The following NUBPL variants were observed in gnomAD, a reference collection of about 807,000 sequenced individuals.
The protein encoded by NUBPL is NUBP iron-sulfur cluster assembly factor, mitochondrial, also known as iron-sulfur cluster transfer protein NUBPL.
Under a neutral mutation model 45.7 loss-of-function variants are expected in NUBPL, and 31 were observed. The ratio of observed to expected loss-of-function variants is 0.68; its 90% CI spans 0.51 to 0.92. The LOEUF (loss-of-function observed/expected upper bound fraction) is 0.92. Among genes scored for constraint, NUBPL ranks in the 40% least tolerant of loss-of-function variants. NUBPL has a pLI of 0.00. For missense variants in NUBPL, 401 were observed against 398.7 expected (o/e 1.01, Z -0.05); for synonymous variants, 144 against 140.9 (o/e 1.02, Z -0.15).
chr14:31,671,328 C>A (rs1475172943), intron 4 of NUBPL, among the ~76,000 whole-genome samples: 1 of 152,168 alleles, frequency 6.6e-6, no homozygotes, highest in Non-Finnish European at 1.5e-5. Flanking sequence ...AATAGTGCTG[C>A]AGTAAACATA....
At chr14:31,641,015 G>A (rs1222924122) in intron 4 of NUBPL, among the ~76,000 whole-genome samples, 1 of 151,890 alleles carries the variant, frequency 6.6e-6, no homozygotes, top group African/African-American at 2.4e-5. Context: ...GCAGTGACAC[G>A]ATCTCAGCTC....
intron 6 of NUBPL, among the ~76,000 whole-genome samples, chr14:31,705,018 G>A (rs1358874099): frequency 6.6e-6 from 1 of 152,232 alleles, no homozygotes; most frequent in Non-Finnish European, 1.5e-5. Context: ...CCTTCGCGGT[G>A]AGTGTTACAG....
chr14:31,621,697 T>C (rs2035067871), intron 4 of NUBPL, among the ~76,000 whole-genome samples: 1 of 152,222 alleles, frequency 6.6e-6, no homozygotes, highest in South Asian at 2.1e-4. Flanking sequence ...TCTGCGTCGA[T>C]CTCGCTGGGA....
Position 31,826,674 on chromosome 14 carries a change from C to T in NUBPL, c.653C>T (p.Ala218Val), listed in dbSNP as rs1353625611. The change falls in exon 8 of 11, where the codon GCA (alanine) becomes GTA (valine). Residue 218 changes from alanine (A) to valine (V), a missense_variant. Transcript: ENST00000281081. ...STPQDIALMD[A>V]HKGAEMFRRV... is the part of the protein sequence containing the mutation. ...CCCCAGGACATCGCATTGATGGATG[C>T]ACACAAGGGTGCTGAGATGTTTCGC... 1.9e-6 allele frequency: 3 copies of T among 1,614,000 alleles called. No homozygotes were observed. The African/African-American group carries it at 4.0e-5, about 22-fold the overall frequency.
chr14:31,638,694 G>A (rs1359929562), intron 4 of NUBPL, among the ~76,000 whole-genome samples: 1 of 152,106 alleles, frequency 6.6e-6, no homozygotes, highest in African/African-American at 2.4e-5. Context: ...TTTCCAACTT[G>A]GTTCCATTCT....
chr14:31,739,099 C>T (rs775168456), intron 6 of NUBPL, among the ~76,000 whole-genome samples: 3 of 149,470 alleles, frequency 2.0e-5, no homozygotes, highest in East Asian at 1.9e-4. Context: ...CTGCAACCTC[C>T]GCCTCCTGGG....
chr14:31,834,415 A>G lies in NUBPL; in HGVS notation c.693+7701A>G, dbSNP rs182955083. Among the ~76,000 whole-genome samples, 848 of 152,128 alleles carry G rather than the reference A, an allele frequency of 5.6e-3. 6 individuals are homozygous for G. The highest frequency in any genetic ancestry group is 0.017 in the African/African-American group (714 of 41,516). On this transcript the variant is annotated intron_variant, in intron 8 of 10. Transcript: ENST00000281081. ...AGGATGGTCTCGATCTCCTGACTTC[A>G]TGATCTGCCCACCTTGGCCTCCCAA...
chr14:31,805,576 T>C (rs994579856), intron 7 of NUBPL, among the ~76,000 whole-genome samples: 1 of 152,190 alleles, frequency 6.6e-6, no homozygotes, highest in Non-Finnish European at 1.5e-5. Context: ...CATGGAATAC[T>C]GTGCATCCAT....
chr14:31,853,171 C>T (rs762000558), intron 10 of NUBPL, among the ~76,000 whole-genome samples: 4 of 152,156 alleles, frequency 2.6e-5, no homozygotes, highest in Admixed American at 6.5e-5. Flanking sequence ...GGCACGATCT[C>T]ATCCTCCCAA....
chr14:31,858,719 G>T (rs1291505039), intron 10 of NUBPL, among the ~76,000 whole-genome samples: 2 of 152,112 alleles, frequency 1.3e-5, no homozygotes, highest in African/African-American at 4.8e-5. Flanking sequence ...GTAATAAATA[G>T]TCCTCCTTAA....
rs1555329376 is a variant in NUBPL at position 31,698,388 on chromosome 14, T to TTTTAAGTTTAAAA, written c.513+24815_513+24816insTTAAGTTTAAAAT. 5.1e-4 allele frequency among the ~76,000 whole-genome samples: 77 copies of TTTTAAGTTTAAAA among 152,242 alleles called. 2 individuals carry two copies. In the South Asian group the frequency reaches 0.015, roughly 30 times the overall value. On this transcript the variant is annotated intron_variant, in intron 6 of 10. Transcript: ENST00000281081. ...TTTTTTTAAGTGTTGAAAGACTATT[T>TTTTAAGTTTAAAA]TAAACTGATGGCGGCAGTTTTGGTA...
chr14:31,638,818 G>C (rs575277586), intron 4 of NUBPL, among the ~76,000 whole-genome samples: 5 of 151,888 alleles, frequency 3.3e-5, no homozygotes, highest in South Asian at 4.2e-4. Flanking sequence ...TTCCCTTCTC[G>C]CTTCATTTCA....
At chr14:31,638,564 G>T (rs2035579376) in intron 4 of NUBPL, among the ~76,000 whole-genome samples, 1 of 151,820 alleles carries the variant, frequency 6.6e-6, no homozygotes, top group African/African-American at 2.4e-5. Flanking sequence ...ACAGTTTTGT[G>T]TCTTGGAGTT....
chr14:31,767,012 C>T (rs1368385817), intron 6 of NUBPL, among the ~76,000 whole-genome samples: 1 of 151,982 alleles, frequency 6.6e-6, no homozygotes, highest in South Asian at 2.1e-4. Flanking sequence ...AGATTTTAAT[C>T]TACTGAAAAA....
intron 6 of NUBPL, 32 bp downstream of exon 6, chr14:31,673,606 AT>A: frequency 6.4e-7 from 1 of 1,562,498 alleles, no homozygotes; most frequent in Middle Eastern, 1.7e-4. Context: ...TCATTTTATC[AT>A]TGGCAAAGCT....
chr14:31,787,126 G>T (rs1440700209), intron 6 of NUBPL, among the ~76,000 whole-genome samples: 1 of 152,076 alleles, frequency 6.6e-6, no homozygotes, highest in African/African-American at 2.4e-5. Flanking sequence ...GAAGATCCTT[G>T]GGCCATTAAT....
chr14:31,650,375 C>T (rs544582389), intron 4 of NUBPL, among the ~76,000 whole-genome samples: 123 of 151,024 alleles, frequency 8.1e-4, no homozygotes, highest in African/African-American at 2.8e-3. Flanking sequence ...CTGCAAGCTC[C>T]GCCTCCCAGG....
chr14:31,648,683 T>C (rs1026541701), intron 4 of NUBPL, among the ~76,000 whole-genome samples: 5 of 152,274 alleles, frequency 3.3e-5, no homozygotes, highest in African/African-American at 1.2e-4. Flanking sequence ...TGATCACATT[T>C]GGTTGTGAAC....
At chr14:31,793,894 C>G (rs1370749133) in intron 7 of NUBPL, among the ~76,000 whole-genome samples, 1 of 86,486 alleles carries the variant, frequency 1.2e-5, no homozygotes, top group Non-Finnish European at 2.1e-5. Context: ...CCCGACCCCA[C>G]CACAGTCCCC....
Sources: allele counts gnomAD v4.1 joint callset (sites outside exome capture counted in the v4.1 genomes callset), GRCh38; gene constraint gnomAD v4.1.1; transcripts MANE v1.5; gene names NCBI Gene and HGNC (gene_info 2026-07-23, HGNC 2026-07-21).